The following LRCH1 variants were observed in gnomAD, a reference collection of about 807,000 sequenced individuals.
The protein encoded by LRCH1 is leucine rich repeats and calponin homology domain containing 1, also known as leucine-rich repeat and calponin homology domain-containing protein 1.
In LRCH1, 23 loss-of-function variants were observed where a neutral mutation model predicts 94.9. The observed-to-expected ratio is 0.24, with a 90% confidence interval of 0.17 to 0.34. The LOEUF is 0.34. Among genes scored for constraint, LRCH1 ranks in the 10% least tolerant of loss-of-function variants. The pLI, the probability that LRCH1 is intolerant of heterozygous loss-of-function variation, is 1.00. For missense variants in LRCH1, 790 were observed against 945.9 expected (o/e 0.84, Z 2.16); for synonymous variants, 364 against 354.9 (o/e 1.03, Z -0.29).
intron 3 of LRCH1, chr13:46,680,325 G>A (rs954320562): frequency 1.3e-5 from 2 of 152,180 alleles, no homozygotes; most frequent in Non-Finnish European, 2.9e-5. Context: ...ACCTGGCAGT[G>A]GGAGGATGGA....
intron 1 of LRCH1, among the ~76,000 whole-genome samples, chr13:46,606,044 C>T (rs1450214188): frequency 6.6e-6 from 1 of 152,100 alleles, no homozygotes; most frequent in Non-Finnish European, 1.5e-5. Flanking sequence ...TTGCCTGACT[C>T]CAAACACAGC....
chr13:46,697,665 TG>T (rs1871265449), intron 9 of LRCH1, among the ~76,000 whole-genome samples: 2 of 152,208 alleles, frequency 1.3e-5, no homozygotes, highest in South Asian at 4.1e-4. Context: ...CCACCTCATC[TG>T]GGAACATACA....
chr13:46,735,745 A>C (rs1308269646), intron 19 of LRCH1, among the ~76,000 whole-genome samples: 1 of 150,368 alleles, frequency 6.7e-6, no homozygotes, highest in Admixed American at 6.6e-5. Flanking sequence ...GTATTTCTGG[A>C]ATTATGTTTA....
chr13:46,709,712 T>A (rs1385550207), intron 13 of LRCH1, among the ~76,000 whole-genome samples: 4 of 152,154 alleles, frequency 2.6e-5, no homozygotes, highest in Non-Finnish European at 5.9e-5. Context: ...TATTTTAACA[T>A]AAGGTTGATT....
intron 13 of LRCH1, among the ~76,000 whole-genome samples, chr13:46,711,584 C>T (rs557963337): frequency 2.0e-5 from 3 of 152,270 alleles, no homozygotes; most frequent in East Asian, 1.9e-4. Flanking sequence ...ATACTTTAAA[C>T]GTATTTTTCT....
chr13:46,640,687 G>A (rs867709334), intron 1 of LRCH1, among the ~76,000 whole-genome samples: 4 of 152,214 alleles, frequency 2.6e-5, no homozygotes, highest in South Asian at 2.1e-4. Flanking sequence ...TGGAGCTTAC[G>A]TTCTAGGAAG....
chr13:46,751,529 A>G (rs1282286079), exon 19 of LRCH1: 1 of 152,194 alleles, frequency 6.6e-6, no homozygotes, highest in Admixed American at 6.5e-5. Flanking sequence ...ATGGAAAAAA[A>G]AAAGACATAT....
At chr13:46,642,417 C>A (rs1160031777) in intron 1 of LRCH1, among the ~76,000 whole-genome samples, 1 of 152,214 alleles carries the variant, frequency 6.6e-6, no homozygotes, top group African/African-American at 2.4e-5. Flanking sequence ...AGTTACCTAA[C>A]CTCTGTAGTC....
At chr13:46,692,388 C>A in intron 7 of LRCH1, 148 bp from the exon 8 acceptor site, 7 of 510,184 alleles carry the variant, frequency 1.4e-5, no homozygotes, top group Non-Finnish European at 2.1e-5. Context: ...TTTGAACTTA[C>A]ATAAGTGGAA....
chr13:46,653,590 C>G (rs1451798330), intron 2 of LRCH1, among the ~76,000 whole-genome samples: 1 of 151,884 alleles, frequency 6.6e-6, no homozygotes, highest in African/African-American at 2.4e-5. Context: ...TTTGGGAGGC[C>G]GAGGCAGGCA....
chr13:46,700,925 C>A (rs1162470577), intron 10 of LRCH1, among the ~76,000 whole-genome samples, 196 bp from the exon 11 acceptor site: 1 of 152,198 alleles, frequency 6.6e-6, no homozygotes, highest in Non-Finnish European at 1.5e-5. Context: ...AGCTGGGCTT[C>A]CCCTACTCGG....
At position 46,741,978 on chromosome 13, in the gene LRCH1, C is replaced by A; in HGVS notation, c.*130C>A. ...TTCAGTTATCTCTCGAGTTTTGAAG[C>A]TGAACAGTAGCAAATCAGATTTTCC... On this transcript the variant is annotated 3_prime_UTR_variant, in exon 20 of 20. Transcript: ENST00000389797. 1 of 1,526,892 alleles carries A rather than the reference C, an allele frequency of 6.5e-7. No individual in the cohort carries two copies. The highest frequency in any genetic ancestry group is 8.7e-7 in the Non-Finnish European group (1 of 1,143,504). The allele number at this position is 1,526,892 out of a possible 1,614,324, so 94.6% of individuals were successfully genotyped here.
At chr13:46,646,096 G>A (rs1351925576) in intron 1 of LRCH1, among the ~76,000 whole-genome samples, 2 of 152,040 alleles carry the variant, frequency 1.3e-5, no homozygotes, top group Non-Finnish European at 2.9e-5. Context: ...AGAGACTTCT[G>A]GAATTCTTTT....
chr13:46,691,847 G>A (rs575827846), intron 7 of LRCH1, among the ~76,000 whole-genome samples: 5 of 152,164 alleles, frequency 3.3e-5, no homozygotes, highest in Admixed American at 1.3e-4. Context: ...GTGCCACCAC[G>A]CCCAGCTAAT....
At chr13:46,639,319 A>T (rs2051130977) in intron 1 of LRCH1, among the ~76,000 whole-genome samples, 1 of 152,188 alleles carries the variant, frequency 6.6e-6, no homozygotes, top group Non-Finnish European at 1.5e-5. Flanking sequence ...GGGCATGCAG[A>T]AAGTCAATGT....
Position 46,737,635 on chromosome 13 carries a change from A to T in LRCH1, c.2085+3637A>T, listed in dbSNP as rs567772933. ...GAAGACAGGCCTTAGTGGGCTTCCA[A>T]ATTCTTTGGGATATATTTTCTGCGT... is the stretch of plus-strand genomic sequence containing the variant. On this transcript the variant is annotated intron_variant, in intron 19 of 19. Coordinates refer to ENST00000389797, the MANE Select transcript of LRCH1 (RefSeq NM_001164211.2). 3.3e-5 allele frequency among the ~76,000 whole-genome samples: 5 copies of T among 152,240 alleles called. No individual in the cohort carries two copies. In the South Asian group the frequency reaches 1.0e-3, roughly 32 times the overall value.
intron 1 of LRCH1, among the ~76,000 whole-genome samples, chr13:46,615,903 G>A (rs886314813): frequency 6.6e-6 from 1 of 152,184 alleles, no homozygotes; most frequent in Admixed American, 6.5e-5. Context: ...ACCAGATGTC[G>A]TGTAGGCCCT....
intron 1 of LRCH1, among the ~76,000 whole-genome samples, chr13:46,583,982 T>G (rs570026249): frequency 7.0e-6 from 1 of 143,772 alleles, no homozygotes; most frequent in African/African-American, 2.5e-5. Flanking sequence ...GTCAGGAAAC[T>G]TACTTTTCAC....
chr13:46,692,662 A>G, intron 8 of LRCH1, 21 bp downstream of exon 8: 3 of 1,573,392 alleles, frequency 1.9e-6, no homozygotes, highest in Non-Finnish European at 2.6e-6. Flanking sequence ...AAAAATGTGG[A>G]GAAAGTGCTT....
Sources: allele counts gnomAD v4.1 joint callset (sites outside exome capture counted in the v4.1 genomes callset), GRCh38; gene constraint gnomAD v4.1.1; transcripts MANE v1.5; gene names NCBI Gene and HGNC (gene_info 2026-07-23, HGNC 2026-07-21).